ITGAV: variants seen among roughly 807,000 people sequenced by gnomAD.
ITGAV encodes the protein integrin subunit alpha V, also known as integrin alpha-V.
In ITGAV, 76 loss-of-function variants were observed where a neutral mutation model predicts 143.8. That is an observed-to-expected ratio of 0.53 (90% CI 0.44 to 0.64). The LOEUF (loss-of-function observed/expected upper bound fraction) is 0.64. Ranked by LOEUF, ITGAV falls within the 30% of genes least tolerant of loss-of-function variation. ITGAV has a pLI of 0.00. For missense variants in ITGAV, 1,193 were observed against 1,274.7 expected (o/e 0.94, Z 0.98); for synonymous variants, 453 against 446.7 (o/e 1.01, Z -0.18).
chr2:186,631,898 G>A (rs1687822687), intron 5 of ITGAV, among the ~76,000 whole-genome samples: 1 of 152,054 alleles, frequency 6.6e-6, no homozygotes. Context: ...TGGGTGACAT[G>A]TGCTTGTGGT....
intron 1 of ITGAV, 48 bp from the exon 2 acceptor site, chr2:186,601,973 T>C: frequency 6.3e-7 from 1 of 1,579,536 alleles, no homozygotes; most frequent in South Asian, 1.2e-5. Flanking sequence ...AAGATATTGC[T>C]TACACTTTGT....
chr2:186,622,324 A>G lies in ITGAV; in HGVS notation c.317-15A>G, dbSNP rs755067125. ...GTATATTTTGTGTCTTACCACTCAC[A>G]ATATTCTTTTTTAGGCAATAGAGAT... On this transcript the variant is annotated splice_polypyrimidine_tract_variant and intron_variant, in intron 2 of 29. Transcript: ENST00000261023. The G allele has an allele frequency of 5.7e-5, 90 of 1,572,696 alleles. 1 individual carries two copies. In the South Asian group the frequency reaches 8.9e-4, roughly 16 times the overall value.
chr2:186,616,524 C>T (rs1399782511), intron 2 of ITGAV, among the ~76,000 whole-genome samples: 1 of 151,780 alleles, frequency 6.6e-6, no homozygotes, highest in Non-Finnish European at 1.5e-5. Flanking sequence ...GTGATCCGCC[C>T]GCCTCGGCCT....
chr2:186,641,858 C>T (rs1260417248), intron 12 of ITGAV, among the ~76,000 whole-genome samples: 2 of 152,194 alleles, frequency 1.3e-5, no homozygotes, highest in Admixed American at 1.3e-4. Flanking sequence ...AAGGAACCTT[C>T]ATTACCCTGG....
At chr2:186,636,238 G>C in intron 7 of ITGAV, 31 bp downstream of exon 7, 1 of 1,587,406 alleles carries the variant, frequency 6.3e-7, no homozygotes, top group South Asian at 1.1e-5. Context: ...CTCATTTTTG[G>C]AACTGTGGTA....
rs200503782 is a variant in ITGAV, at chr2:186,678,325, T to G, written c.*1033T>G. ...AACTGTTACTGAGAATGGGTCAAGA[T>G]CAGTGAGAAATCTTTACAGTTGACA... On this transcript the variant is annotated 3_prime_UTR_variant, in exon 30 of 30. Coordinates refer to ENST00000261023, the MANE Select transcript of ITGAV (RefSeq NM_002210.5). 6.4e-6 allele frequency: 1 copy of G among 156,912 alleles called. No individual in the cohort carries two copies. Among genetic ancestry groups the G allele is most frequent in the Non-Finnish European group, 1.4e-5 (1 of 71,174 alleles). 9.7% of individuals were successfully genotyped at this position (156,912 alleles called of 1,614,324 possible).
At chr2:186,656,448 A>C in intron 17 of ITGAV, 47 bp downstream of exon 17, 3 of 1,319,864 alleles carry the variant, frequency 2.3e-6, no homozygotes, top group Middle Eastern at 1.9e-4. Flanking sequence ...TTTAGTCATT[A>C]GTTTTTTATC....
chr2:186,618,867 G>A (rs750204029), intron 2 of ITGAV, among the ~76,000 whole-genome samples: 8 of 152,032 alleles, frequency 5.3e-5, no homozygotes, highest in Non-Finnish European at 8.8e-5. Context: ...AACTACAAAT[G>A]GAACTACCAT....
At chr2:186,617,846 T>C (rs1032242120) in intron 2 of ITGAV, among the ~76,000 whole-genome samples, 2 of 152,240 alleles carry the variant, frequency 1.3e-5, no homozygotes, top group Non-Finnish European at 2.9e-5. Flanking sequence ...CAGAAATCTT[T>C]CTATTCTTGG....
intron 4 of ITGAV, among the ~76,000 whole-genome samples, chr2:186,626,312 A>T (rs989093838): frequency 1.3e-5 from 2 of 152,178 alleles, no homozygotes; most frequent in African/African-American, 4.8e-5. Flanking sequence ...AAATCTCTAC[A>T]TCCTCTTCTC....
chr2:186,633,991 G>A (rs946166639), intron 6 of ITGAV, among the ~76,000 whole-genome samples: 25 of 152,124 alleles, frequency 1.6e-4, no homozygotes, highest in African/African-American at 5.8e-4. Context: ...TCATACGACT[G>A]TACTCCAGTC....
intron 26 of ITGAV, among the ~76,000 whole-genome samples, chr2:186,670,391 C>T (rs562834181): frequency 2.6e-4 from 39 of 152,234 alleles, no homozygotes; most frequent in African/African-American, 8.4e-4. Flanking sequence ...GCCTTGACCT[C>T]CCAGGCTCAA....
intron 2 of ITGAV, among the ~76,000 whole-genome samples, chr2:186,606,795 T>C (rs974157192): frequency 2.2e-4 from 33 of 152,300 alleles, no homozygotes; most frequent in Middle Eastern, 3.4e-3. Context: ...ATAGAATCAC[T>C]GTTGGGTTGT....
At chr2:186,661,610 T>A (rs534427485) in intron 18 of ITGAV, among the ~76,000 whole-genome samples, 1 of 151,210 alleles carries the variant, frequency 6.6e-6, no homozygotes, top group Non-Finnish European at 1.5e-5. Flanking sequence ...TTTTTTTTTT[T>A]TTTTTGAGAC....
chr2:186,590,384 C>T lies in ITGAV; in HGVS notation c.46C>T (p.Leu16Phe). The T allele has an allele frequency of 1.9e-6, 3 of 1,599,638 alleles. No individual in the cohort carries two copies. The South Asian group carries it at 3.3e-5, about 18-fold the overall frequency. The change falls in exon 1 of 30, where the codon CTC becomes TTC. Residue 16 changes from leucine to phenylalanine, a missense_variant. Physicochemically the swap from Leu to Phe is conservative, Grantham distance 22. Transcript: ENST00000261023. ...ACGGCTGCGCCTCGGTCCCCGCGGC[C>T]TCCCGCTTCTTCTCTCGGGACTCCT... ...RRRLRLGPRG[L>F]PLLLSGLLLP... is the part of the protein sequence containing the mutation.
At chr2:186,627,710 T>G (rs1455169917) in intron 4 of ITGAV, among the ~76,000 whole-genome samples, 1 of 152,182 alleles carries the variant, frequency 6.6e-6, no homozygotes, top group African/African-American at 2.4e-5. Flanking sequence ...CTAGTACAGT[T>G]GTGAGAGTTG....
chr2:186,646,759 A>T lies in ITGAV; in HGVS notation c.1233A>T (p.Thr411=), dbSNP rs1333931278. Residue 411 remains threonine, a synonymous_variant, in exon 13 of 30, where the codon ACA becomes ACT. Transcript: ENST00000261023. ...TTTATATCTTCAATGGAAGATCAAC[A>T]GGCTTGAACGCAGTCCCATCTCAAA... ...GIVYIFNGRS[T]GLNAVPSQIL... The T allele has an allele frequency of 3.1e-6, 5 of 1,612,182 alleles. No homozygotes were observed. The African/African-American group carries it at 6.7e-5, about 22-fold the overall frequency.
At chr2:186,626,327 G>T (rs1687674733) in intron 4 of ITGAV, among the ~76,000 whole-genome samples, 1 of 152,196 alleles carries the variant, frequency 6.6e-6, no homozygotes, top group Admixed American at 6.5e-5. Context: ...CTTCTCTTTG[G>T]AGATTCCAGT....
intron 14 of ITGAV, among the ~76,000 whole-genome samples, chr2:186,650,134 G>A (rs1688384787): frequency 6.6e-6 from 1 of 152,064 alleles, no homozygotes; most frequent in African/African-American, 2.4e-5. Flanking sequence ...AGAGTAATTA[G>A]GATATTCATC....
Sources: gnomAD v4.1 joint callset for allele counts (sites outside exome capture counted in the v4.1 genomes callset) on GRCh38, gnomAD v4.1.1 for gene constraint, MANE v1.5 for transcripts, NCBI Gene and HGNC (gene_info 2026-07-23, HGNC 2026-07-21) for gene names.